CUX1: variants seen among roughly 807,000 people sequenced by gnomAD.
CUX1 encodes the protein protein CASP.
Under a neutral mutation model 158.8 loss-of-function variants are expected in CUX1, and 31 were observed. That is an observed-to-expected ratio of 0.20 (90% CI 0.15 to 0.26). CUX1 has a LOEUF of 0.26. CUX1 is among the 10% of genes least tolerant of loss of function. The pLI, the probability that CUX1 is intolerant of heterozygous loss-of-function variation, is 1.00. For missense variants in CUX1, 1,589 were observed against 2,014.6 expected, an observed-to-expected ratio of 0.79 and a Z score of 4.04; for synonymous variants, 879 against 862.1, an observed-to-expected ratio of 1.02 and a Z score of -0.34.
At position 102,178,467 on chromosome 7, in the gene CUX1, A is replaced by C; in HGVS notation, c.829-2A>C. 6.3e-7 allele frequency: 1 copy of C among 1,590,578 alleles called. No homozygotes were observed. Among genetic ancestry groups the C allele is most frequent in the Non-Finnish European group, 8.6e-7 (1 of 1,162,194 alleles). ...TTTTGTCATCTCTTTTCTCCTCCCCAGGAGCAGGCCATAGAGGTGCTGACC... is the reference window on the plus strand; with the variant it reads ...TTTTGTCATCTCTTTTCTCCTCCCCCGGAGCAGGCCATAGAGGTGCTGACC... On this transcript the variant is annotated splice_acceptor_variant, in intron 10 of 23. Coordinates refer to ENST00000292535, the MANE Select transcript of CUX1 (RefSeq NM_181552.4). LOFTEE classifies it high-confidence loss of function.
intron 1 of CUX1, among the ~76,000 whole-genome samples, chr7:101,829,247 G>A (rs1192476102): frequency 6.6e-6 from 1 of 152,058 alleles, no homozygotes; most frequent in African/African-American, 2.4e-5. Context: ...TAGTGGAGAG[G>A]GAGAATATTT....
intron 2 of CUX1, among the ~76,000 whole-genome samples, chr7:101,987,441 C>T (rs1814470261): frequency 6.6e-6 from 1 of 152,206 alleles, no homozygotes; most frequent in African/African-American, 2.4e-5. Context: ...TCCTGGAGCA[C>T]TGCTTGCTTT....
chr7:101,832,087 T>A (rs1172957114), intron 1 of CUX1, among the ~76,000 whole-genome samples: 1 of 151,658 alleles, frequency 6.6e-6, no homozygotes, highest in African/African-American at 2.4e-5. Flanking sequence ...GTTGTTGGGG[T>A]GTGTCTTAGA....
chr7:102,221,759 A>ATT (rs1797828167), intron 20 of CUX1, among the ~76,000 whole-genome samples: 10 of 150,828 alleles, frequency 6.6e-5, no homozygotes, highest in South Asian at 4.2e-4. Flanking sequence ...AAAAAAAAAA[A>ATT]AATTAATTCA....
chr7:101,951,753 C>T (rs948815520), intron 2 of CUX1, among the ~76,000 whole-genome samples: 19 of 152,334 alleles, frequency 1.2e-4, no homozygotes, highest in Admixed American at 2.0e-4. Flanking sequence ...GTGATCCGCC[C>T]GCATCGGCCT....
At chr7:102,235,379 G>A (rs1486877677) in intron 22 of CUX1, among the ~76,000 whole-genome samples, 1 of 152,140 alleles carries the variant, frequency 6.6e-6, no homozygotes, top group Admixed American at 6.6e-5. Context: ...TCCCTGATCA[G>A]CTAACGCAGA....
chr7:101,861,980 G>C (rs1797506668), intron 1 of CUX1, among the ~76,000 whole-genome samples: 1 of 151,936 alleles, frequency 6.6e-6, no homozygotes, highest in Non-Finnish European at 1.5e-5. Flanking sequence ...GATTACAGGC[G>C]CCTGCCACCA....
intron 2 of CUX1, among the ~76,000 whole-genome samples, chr7:101,928,457 G>A (rs1805884794): frequency 6.8e-6 from 1 of 146,718 alleles, no homozygotes; most frequent in African/African-American, 2.5e-5. Flanking sequence ...TGCAACCTCT[G>A]CCTCCCAGGT....
At position 102,010,860 on chromosome 7, in the gene CUX1, C is replaced by A. The variant is rs532569787; in HGVS notation, c.142-17238C>A. Among the ~76,000 whole-genome samples the A allele has an allele frequency of 4.6e-5, 7 of 152,276 alleles. No homozygotes were observed. In the South Asian group the frequency reaches 1.0e-3, roughly 23 times the overall value. ...GCGTGGTGGCTCATGCCTGTAGTCC[C>A]AGCACATTGGGAGGCCGAGGTGGGC... On this transcript the variant is annotated intron_variant, in intron 2 of 23. Transcript: ENST00000292535.
chr7:102,121,921 G>A (rs1324339169), intron 8 of CUX1, among the ~76,000 whole-genome samples: 3 of 152,188 alleles, frequency 2.0e-5, no homozygotes, highest in African/African-American at 4.8e-5. Context: ...GAAGGCAGGC[G>A]TTCCTGGGGG....
chr7:101,845,851 A>C (rs1795633827), intron 1 of CUX1, among the ~76,000 whole-genome samples: 1 of 152,070 alleles, frequency 6.6e-6, no homozygotes, highest in Non-Finnish European at 1.5e-5. Context: ...TCTACTAAAA[A>C]TACAAAATTA....
intron 1 of CUX1, among the ~76,000 whole-genome samples, chr7:101,855,393 T>A (rs528386315): frequency 6.6e-6 from 1 of 152,228 alleles, no homozygotes; most frequent in African/African-American, 2.4e-5. Flanking sequence ...TCCAGGGTGC[T>A]GGGGACCCAA....
intron 2 of CUX1, among the ~76,000 whole-genome samples, chr7:102,011,682 T>C (rs547273131): frequency 1.6e-4 from 24 of 152,070 alleles, no homozygotes; most frequent in Middle Eastern, 3.4e-3. Flanking sequence ...CGCCTGGCCT[T>C]CTGCCTTTTT....
chr7:102,048,443 G>C (rs190590623), intron 3 of CUX1, among the ~76,000 whole-genome samples: 1 of 152,120 alleles, frequency 6.6e-6, no homozygotes, highest in East Asian at 1.9e-4. Flanking sequence ...AGGCGTGGTA[G>C]TGTTAGAACC....
intron 14 of CUX1, among the ~76,000 whole-genome samples, chr7:102,267,185 G>C (rs977111533): frequency 1.3e-5 from 2 of 149,498 alleles, no homozygotes; most frequent in African/African-American, 4.9e-5. Flanking sequence ...TCCTAGCAGA[G>C]ATACCATGTG....
At chr7:101,937,260 G>A (rs963354847) in intron 2 of CUX1, among the ~76,000 whole-genome samples, 12 of 152,216 alleles carry the variant, frequency 7.9e-5, no homozygotes, top group Non-Finnish European at 1.5e-4. Context: ...ATTAGCTCCT[G>A]GAGGGGCTCA....
chr7:102,008,361 C>T (rs1314714700), intron 2 of CUX1, among the ~76,000 whole-genome samples: 1 of 151,882 alleles, frequency 6.6e-6, no homozygotes, highest in Non-Finnish European at 1.5e-5. Context: ...AAAGCCCCCC[C>T]ACCTCTACTC....
intron 3 of CUX1, among the ~76,000 whole-genome samples, chr7:102,052,880 T>C (rs112998651): frequency 6.6e-6 from 1 of 151,920 alleles, no homozygotes; most frequent in East Asian, 1.9e-4. Flanking sequence ...TGATCTCGGC[T>C]CAGTGCAACC....
chr7:102,283,185 T>C (rs1325101095), exon 23 of CUX1: 2 of 1,035,022 alleles, frequency 1.9e-6, no homozygotes, highest in Non-Finnish European at 3.0e-6. Context: ...GAATCCCCCA[T>C]GGAAACTGCC....
Sources: gnomAD v4.1 joint callset for allele counts (sites outside exome capture counted in the v4.1 genomes callset) on GRCh38, gnomAD v4.1.1 for gene constraint, MANE v1.5 for transcripts, NCBI Gene and HGNC (gene_info 2026-07-23, HGNC 2026-07-21) for gene names.